GPLD1: variants seen among roughly 807,000 people sequenced by gnomAD.
The protein encoded by GPLD1 is glycosylphosphatidylinositol specific phospholipase D1, also known as phosphatidylinositol-glycan-specific phospholipase D.
Under a neutral mutation model 112.6 loss-of-function variants are expected in GPLD1, and 84 were observed. The observed-to-expected ratio is 0.75, with a 90% CI of 0.63 to 0.89. The LOEUF is 0.89. GPLD1 is among the 40% of genes least tolerant of loss of function. GPLD1 has a pLI of 0.00. For synonymous variants in GPLD1, 386 were observed against 403.8 expected (o/e 0.96, Z 0.53); for missense variants, 1,044 against 1,051.5 (o/e 0.99, Z 0.10).
intron 11 of GPLD1, 131 bp downstream of exon 11, chr6:24,462,599 A>C: frequency 3.0e-6 from 2 of 663,550 alleles, no homozygotes; most frequent in Non-Finnish European, 5.4e-6. Context: ...AAAATCACAC[A>C]GCTGCAAGTG....
At chr6:24,433,416 C>G (rs749180185) in intron 22 of GPLD1, 27 bp from the exon 23 acceptor site, 2 of 1,523,576 alleles carry the variant, frequency 1.3e-6, no homozygotes, top group Non-Finnish European at 9.1e-7. Context: ...AGGAGAGAGA[C>G]AATGTTATTA....
chr6:24,468,737 G>A (rs752680382), intron 7 of GPLD1, among the ~76,000 whole-genome samples: 14 of 152,102 alleles, frequency 9.2e-5, no homozygotes, highest in Non-Finnish European at 1.9e-4. Flanking sequence ...TGACCTGTAA[G>A]GGGACTGAAC....
chr6:24,489,731 G>C (rs912045629), upstream of GPLD1: 5 of 654,480 alleles, frequency 7.6e-6, no homozygotes, highest in Admixed American at 3.3e-5. Context: ...CTGTGCTCCT[G>C]GGGGGTGGGG....
chr6:24,430,173 A>T (rs78134449), intron 24 of GPLD1, among the ~76,000 whole-genome samples: 17,549 of 152,232 alleles, frequency 0.12, 1,331 homozygotes, highest in East Asian at 0.16. Flanking sequence ...ACAGCATCAA[A>T]TGGTACTTTA....
intron 20 of GPLD1, among the ~76,000 whole-genome samples, chr6:24,443,712 C>A (rs1034720711): frequency 1.3e-5 from 2 of 151,904 alleles, no homozygotes; most frequent in Non-Finnish European, 2.9e-5. Context: ...ACTCTGTCAC[C>A]CAGGCTGGAG....
intron 10 of GPLD1, among the ~76,000 whole-genome samples, chr6:24,464,588 T>G (rs968875683): frequency 6.6e-6 from 1 of 152,238 alleles, no homozygotes; most frequent in African/African-American, 2.4e-5. Flanking sequence ...TGGTTAACAC[T>G]GTTTGGGTAC....
intron 10 of GPLD1, among the ~76,000 whole-genome samples, chr6:24,464,544 G>A (rs1020526692): frequency 1.3e-5 from 2 of 152,226 alleles, no homozygotes; most frequent in Non-Finnish European, 2.9e-5. Flanking sequence ...TCATCAAAGG[G>A]AATTTTGTTT....
chr6:24,428,323 T>C lies in GPLD1; in HGVS notation c.*709A>G, dbSNP rs535846321. On this transcript the variant is annotated 3_prime_UTR_variant, in exon 25 of 25. Transcript: ENST00000230036. The stretch of plus-strand genomic sequence containing the variant: ...CATAAAGGTGTGTCATGGGGGTTTG[T>C]TACACAGATTATTTCATCACCCTAA... 2 of 152,292 alleles carry C rather than the reference T, an allele frequency of 1.3e-5. No homozygotes were observed. Among genetic ancestry groups the C allele is most frequent in the East Asian group, 3.9e-4 (2 of 5,178 alleles). The allele number at this position is 152,292 out of a possible 1,614,324, so 9.4% of individuals were successfully genotyped here. A position where few individuals can be genotyped will look rare whatever the true frequency, so the allele number is the denominator to read the frequency against.
chr6:24,466,953 A>C lies in GPLD1; in HGVS notation c.654-14T>G, dbSNP rs1046673488. ...ATCTCACCATACCTGCAAAATAAAC[A>C]ATAATTTTGGCTGTGAGTTGCAGTT... On this transcript the variant is annotated splice_polypyrimidine_tract_variant and intron_variant, in intron 8 of 24. Coordinates refer to ENST00000230036, the MANE Select transcript of GPLD1 (RefSeq NM_001503.4). The C allele has an allele frequency of 6.2e-7, 1 of 1,607,334 alleles. No individual in the cohort carries two copies.
Position 24,433,387 on chromosome 6 carries a change from G to A in GPLD1, c.2361C>T (p.Ala787=), listed in dbSNP as rs1263331796. The A allele has an allele frequency of 6.2e-7, 1 of 1,607,052 alleles. No individual in the cohort carries two copies. Residue 787 remains alanine, a splice_region_variant and synonymous_variant, in exon 23 of 25, where the codon GCC becomes GCT. Transcript: ENST00000230036. ...SWITPCPEEK[A]QYVLISPEAS... ...CTTCAGGAGAAATCAATACATATTGGGCCTGAAGAAAAAAATTGAGGAGAG... is the reference window on the plus strand; with the variant it reads ...CTTCAGGAGAAATCAATACATATTGAGCCTGAAGAAAAAAATTGAGGAGAG...
intron 22 of GPLD1, among the ~76,000 whole-genome samples, chr6:24,434,707 G>C (rs928631735): frequency 2.0e-5 from 3 of 151,662 alleles, no homozygotes; most frequent in African/African-American, 7.3e-5. Context: ...GCGTGGTAGT[G>C]GGCGCCTGTA....
Position 24,428,881 on chromosome 6 carries a change from T to A in GPLD1, c.*151A>T. The A allele has an allele frequency of 1.9e-6, 1 of 515,534 alleles. No individual in the cohort carries two copies. The highest frequency in any genetic ancestry group is 3.5e-6 in the Non-Finnish European group (1 of 284,964). 31.9% of individuals were successfully genotyped at this position (515,534 alleles called of 1,614,324 possible). ...GTATCAGATTTCCAGAGGGTGTGGC[T>A]GTTAGTGTGTCTCTCTACTCCCAGG... On this transcript the variant is annotated 3_prime_UTR_variant, in exon 25 of 25. Transcript: ENST00000230036.
chr6:24,455,058 G>A (rs1302132909), intron 13 of GPLD1, among the ~76,000 whole-genome samples: 1 of 152,228 alleles, frequency 6.6e-6, no homozygotes, highest in Non-Finnish European at 1.5e-5. Flanking sequence ...GAACCCGGGA[G>A]GCAGAGAACC....
At chr6:24,490,759 AAAAAAG>A (rs1371906649), upstream of GPLD1, among the ~76,000 whole-genome samples, 3 of 151,980 alleles carry the variant, frequency 2.0e-5, no homozygotes, top group Non-Finnish European at 2.9e-5. Context: ...CTCAAAAAAA[AAAAAAG>A]AAAAGAAAAA....
intron 1 of GPLD1, 23 bp downstream of exon 1, chr6:24,489,392 C>T (rs957162547): frequency 4.7e-6 from 7 of 1,486,318 alleles, no homozygotes; most frequent in African/African-American, 2.8e-5. Flanking sequence ...CTCTCAACAA[C>T]ATAACAAGAC....
rs115111169 is a variant in GPLD1 at position 24,446,292 on chromosome 6, T to C, written c.1821-461A>G. Among the ~76,000 whole-genome samples the C allele has an allele frequency of 6.7e-3, 1,019 of 152,104 alleles. 14 individuals are homozygous for C. Among genetic ancestry groups the C allele is most frequent in the African/African-American group, 0.022 (916 of 41,482 alleles). On this transcript the variant is annotated intron_variant, in intron 18 of 24. Coordinates refer to ENST00000230036, the MANE Select transcript of GPLD1 (RefSeq NM_001503.4). ...GGCAGGAGGATCACTTGAGGCCAGTTTGAGACGAGCCTGGGCAACACTGCA... is the reference window on the plus strand; with the variant it reads ...GGCAGGAGGATCACTTGAGGCCAGTCTGAGACGAGCCTGGGCAACACTGCA...
At chr6:24,439,003 T>A (rs1293526594) in intron 20 of GPLD1, among the ~76,000 whole-genome samples, 6 of 152,140 alleles carry the variant, frequency 3.9e-5, no homozygotes, top group Non-Finnish European at 1.5e-5. Flanking sequence ...AGGATGGTCT[T>A]GATCTCCTGA....
intron 12 of GPLD1, 76 bp downstream of exon 12, chr6:24,460,203 A>G: frequency 6.6e-7 from 1 of 1,519,236 alleles, no homozygotes; most frequent in Non-Finnish European, 9.1e-7. Context: ...ACAAATAAAT[A>G]CCCAGGGACT....
chr6:24,474,142 AAAAAAC>A (rs1763924236), intron 5 of GPLD1, among the ~76,000 whole-genome samples: 6 of 139,728 alleles, frequency 4.3e-5, no homozygotes, highest in Non-Finnish European at 6.0e-5. Context: ...CAAACAAACA[AAAAAAC>A]AACAACAAAA....
Sources: gnomAD v4.1 joint callset for allele counts (sites outside exome capture counted in the v4.1 genomes callset) on GRCh38, gnomAD v4.1.1 for gene constraint, MANE v1.5 for transcripts, NCBI Gene and HGNC (gene_info 2026-07-23, HGNC 2026-07-21) for gene names.